Variants in YLPM1 observed in about 807,000 individuals in gnomAD.
YLPM1 encodes the protein YLP motif-containing protein 1.
In YLPM1, 99 loss-of-function variants were observed where a neutral mutation model predicts 230.0. The observed-to-expected ratio is 0.43, with a 90% confidence interval of 0.37 to 0.51. The LOEUF (loss-of-function observed/expected upper bound fraction) is 0.51. Ranked by LOEUF, YLPM1 falls within the 20% of genes least tolerant of loss-of-function variation. The pLI, the probability that YLPM1 is intolerant of heterozygous loss-of-function variation, is 0.00. For missense variants in YLPM1, 2,592 were observed against 2,707.7 expected (o/e 0.96, Z 0.95); for synonymous variants, 984 against 942.5 (o/e 1.04, Z -0.81).
chr14:74,767,041 G>A (rs923249121), intron 1 of YLPM1, among the ~76,000 whole-genome samples: 1 of 151,508 alleles, frequency 6.6e-6, no homozygotes, highest in Non-Finnish European at 1.5e-5. Flanking sequence ...ATGCCACCAC[G>A]CCTGGCTAAT....
chr14:74,805,686 A>G (rs1380875397), intron 6 of YLPM1, among the ~76,000 whole-genome samples: 1 of 150,398 alleles, frequency 6.6e-6, no homozygotes, highest in Non-Finnish European at 1.5e-5. Flanking sequence ...GGGACACTTC[A>G]GTCAAAGAAT....
chr14:74,818,252 G>A lies in YLPM1; in HGVS notation c.5968G>A (p.Ala1990Thr). 1 of 1,603,768 alleles carries A rather than the reference G, an allele frequency of 6.2e-7. No homozygotes were observed. The change falls in exon 16 of 21, where the codon GCA becomes ACA. Residue 1990 changes from alanine to threonine, a missense_variant. Physicochemically the swap from Ala to Thr is moderately conservative, Grantham distance 58. Transcript: ENST00000325680. Reference sequence around the variant, plus strand: ...ATAGATGGCTGATCACTGGGAAACTGCACCTCGTCACATGATGCGTCTAGA... The same window carrying A: ...ATAGATGGCTGATCACTGGGAAACTACACCTCGTCACATGATGCGTCTAGA... Reference protein sequence around the residue: ...INKMADHWETAPRHMMRLDIR... With the variant: ...INKMADHWETTPRHMMRLDIR...
intron 1 of YLPM1, among the ~76,000 whole-genome samples, chr14:74,775,260 T>A (rs1017719228): frequency 6.6e-6 from 1 of 152,198 alleles, no homozygotes; most frequent in Non-Finnish European, 1.5e-5. Flanking sequence ...CATCCTACTG[T>A]GTGCTCTAGC....
intron 11 of YLPM1, among the ~76,000 whole-genome samples, chr14:74,814,764 C>T (rs1467086655): frequency 2.0e-5 from 3 of 152,098 alleles, no homozygotes; most frequent in Non-Finnish European, 4.4e-5. Flanking sequence ...GAAATTATTC[C>T]TTCCTATTCT....
rs372067701 is a variant in YLPM1, at chr14:74,799,394, G to C, written c.4097G>C (p.Arg1366Pro). The C allele has an allele frequency of 3.7e-6, 6 of 1,613,898 alleles. No individual in the cohort carries two copies. The highest frequency in any genetic ancestry group is 1.7e-5 in the Admixed American group (1 of 60,012). The change falls in exon 5 of 21, where the codon CGT (arginine) becomes CCT (proline). Residue 1366 changes from arginine (R) to proline (P), a missense_variant. Arg to Pro is a moderately radical substitution (Grantham distance 103, BLOSUM62 -2). This residue lies in a region of YLPM1 where 1,862 missense variants were observed against 1,819.8 expected (regional missense o/e 1.02). Transcript: ENST00000325680. ...NREHGYDRDF[R>P]DRGELRIREY... Reference sequence around the variant, plus strand: ...GAGCATGGGTATGATCGAGATTTCCGTGATAGGGGTGAGTTGAGGATTCGA... The same window carrying C: ...GAGCATGGGTATGATCGAGATTTCCCTGATAGGGGTGAGTTGAGGATTCGA...
At chr14:74,818,441 C>G in intron 16 of YLPM1, 127 bp downstream of exon 16, 1 of 617,300 alleles carries the variant, frequency 1.6e-6, no homozygotes, top group Non-Finnish European at 2.6e-6. Context: ...TACTGATATG[C>G]CTTTCATTGA....
At chr14:74,807,340 A>G (rs2091390160) in intron 6 of YLPM1, among the ~76,000 whole-genome samples, 1 of 152,194 alleles carries the variant, frequency 6.6e-6, no homozygotes, top group African/African-American at 2.4e-5. Context: ...CCAGCCAGAC[A>G]CAGTGAACTA....
At chr14:74,818,186 T>C (rs1321010665) in intron 15 of YLPM1, 45 bp from the exon 16 acceptor site, 20 of 1,396,622 alleles carry the variant, frequency 1.4e-5, no homozygotes, top group Non-Finnish European at 1.9e-5. Flanking sequence ...ACTTGGTCTT[T>C]GAGTAGTTTC....
chr14:74,813,610 T>A (rs2091453672), intron 11 of YLPM1, among the ~76,000 whole-genome samples: 4 of 152,168 alleles, frequency 2.6e-5, no homozygotes, highest in Admixed American at 2.0e-4. Flanking sequence ...TCACATTTTT[T>A]TTTTAAATTA....
intron 18 of YLPM1, chr14:74,827,400 T>C (rs2091572943): frequency 1.0e-6 from 1 of 985,426 alleles, no homozygotes; most frequent in Non-Finnish European, 1.2e-6. Context: ...TGTGAGCCTT[T>C]CTTCAGCCCA....
intron 4 of YLPM1, among the ~76,000 whole-genome samples, chr14:74,789,100 T>G (rs2091178658): frequency 6.6e-6 from 1 of 152,238 alleles, no homozygotes; most frequent in Non-Finnish European, 1.5e-5. Context: ...GGACTCTCCA[T>G]TCCTGTGGTC....
intron 4 of YLPM1, among the ~76,000 whole-genome samples, chr14:74,795,717 G>C (rs948572772): frequency 2.6e-5 from 4 of 152,152 alleles, no homozygotes; most frequent in Non-Finnish European, 5.9e-5. Flanking sequence ...TTCTGCTAAA[G>C]CAATCTTTTA....
chr14:74,767,436 A>G (rs1417551942), intron 1 of YLPM1, among the ~76,000 whole-genome samples: 2 of 152,194 alleles, frequency 1.3e-5, no homozygotes, highest in African/African-American at 2.4e-5. Context: ...AGAATACTGA[A>G]AAGATTCTTA....
At position 74,778,647 on chromosome 14, in the gene YLPM1, G is replaced by C; in HGVS notation, c.1074G>C (p.Glu358Asp). ...SEEPPLPPPN[E>D]EVPPPLPPEE... is the part of the protein sequence containing the mutation. ...AGCCCCCATTGCCACCTCCAAATGA[G>C]GAAGTGCCACCTCCTCTCCCACCTG... Residue 358 changes from glutamate to aspartate, a missense_variant, in exon 2 of 21, where the codon GAG becomes GAC. By Grantham distance (45) the Glu-to-Asp change is conservative. This residue lies in a region of YLPM1 where 1,862 missense variants were observed against 1,819.8 expected (regional missense o/e 1.02). Transcript: ENST00000325680. The C allele has an allele frequency of 6.3e-7, 1 of 1,583,612 alleles. No homozygotes were observed. Among genetic ancestry groups the C allele is most frequent in the Non-Finnish European group, 8.6e-7 (1 of 1,165,220 alleles).
Position 74,823,170 on chromosome 14 carries a change from A to G in YLPM1, c.6112-1086A>G, listed in dbSNP as rs1166816662. On this transcript the variant is annotated intron_variant, in intron 17 of 20. Transcript: ENST00000325680. ...ATTATGCTCTAGTAAACTCTTACACAGAAGCTATCATCATGAAATCTTCAA... is the reference window on the plus strand; with the variant it reads ...ATTATGCTCTAGTAAACTCTTACACGGAAGCTATCATCATGAAATCTTCAA... Among the ~76,000 whole-genome samples, 7 of 152,228 alleles carry G rather than the reference A, an allele frequency of 4.6e-5. No individual in the cohort carries two copies. The South Asian group carries it at 8.3e-4, about 18-fold the overall frequency.
intron 7 of YLPM1, 50 bp from the exon 8 acceptor site, chr14:74,809,860 T>C (rs778680932): frequency 6.2e-7 from 1 of 1,605,774 alleles, no homozygotes; most frequent in East Asian, 2.2e-5. Flanking sequence ...CAGCTTTAGC[T>C]TTCTCTAGCT....
intron 19 of YLPM1, among the ~76,000 whole-genome samples, chr14:74,833,756 C>A (rs1445808927): frequency 6.6e-6 from 1 of 152,168 alleles, no homozygotes; most frequent in Non-Finnish European, 1.5e-5. Flanking sequence ...ATTACTTTGG[C>A]TCCTCCCTTT....
intron 16 of YLPM1, among the ~76,000 whole-genome samples, 160 bp from the exon 17 acceptor site, chr14:74,820,897 A>T (rs1366484342): frequency 1.3e-5 from 2 of 152,178 alleles, no homozygotes; most frequent in Non-Finnish European, 2.9e-5. Context: ...GTCTTTTATC[A>T]GTTCTGTTTC....
At chr14:74,817,173 T>C (rs1436903902) in intron 14 of YLPM1, 21 bp from the exon 15 acceptor site, 13 of 1,595,968 alleles carry the variant, frequency 8.1e-6, no homozygotes, top group African/African-American at 1.3e-5. Flanking sequence ...CTTTGCCTAA[T>C]TATTATTCAT....
Sources: gnomAD v4.1 joint callset for allele counts (sites outside exome capture counted in the v4.1 genomes callset) on GRCh38, gnomAD v4.1.1 for gene constraint, gnomAD v4.1.1 regional missense constraint, MANE v1.5 for transcripts, NCBI Gene and HGNC (gene_info 2026-07-23, HGNC 2026-07-21) for gene names.